Variants in WDR37 observed in about 807,000 individuals in gnomAD.
WDR37 encodes WD repeat-containing protein 37.
A neutral mutation model predicts 62.9 loss-of-function variants in WDR37; 19 were observed. The observed-to-expected ratio is 0.30, with a 90% confidence interval of 0.21 to 0.44. WDR37 has a LOEUF of 0.44. WDR37 is among the 20% of genes least tolerant of loss of function. WDR37 has a pLI of 1.00. For synonymous variants in WDR37, 250 were observed against 260.9 expected (o/e 0.96, Z 0.40); for missense variants, 474 against 657.6 (o/e 0.72, Z 3.05).
intron 11 of WDR37, among the ~76,000 whole-genome samples, chr10:1,118,418 C>T (rs1287994507): frequency 6.7e-6 from 1 of 149,804 alleles, no homozygotes; most frequent in African/African-American, 2.5e-5. Context: ...GAAGTCCCTG[C>T]ACACATCTGA....
At chr10:1,086,147 A>G (rs1589093814) in intron 6 of WDR37, 139 bp from the exon 7 acceptor site, 1 of 653,508 alleles carries the variant, frequency 1.5e-6, no homozygotes, top group East Asian at 2.9e-5. Flanking sequence ...TGAAGCATAC[A>G]GAGTAATAGA....
At chr10:1,057,159 G>C (rs1467991745) in intron 1 of WDR37, among the ~76,000 whole-genome samples, 191 bp downstream of exon 1, 3 of 151,944 alleles carry the variant, frequency 2.0e-5, no homozygotes, top group Non-Finnish European at 4.4e-5. Flanking sequence ...TGGAGGACCC[G>C]TGGCGGTGCA....
intron 13 of WDR37, among the ~76,000 whole-genome samples, chr10:1,125,287 C>T (rs1230198587): frequency 2.6e-5 from 4 of 151,870 alleles, no homozygotes; most frequent in South Asian, 2.1e-4. Context: ...CATGATCTCA[C>T]GGCAACCTCT....
At chr10:1,063,500 T>G (rs1833437708) in intron 1 of WDR37, among the ~76,000 whole-genome samples, 1 of 152,188 alleles carries the variant, frequency 6.6e-6, no homozygotes, top group Non-Finnish European at 1.5e-5. Flanking sequence ...GAGCAGGTAC[T>G]TCAGATTCCC....
At chr10:1,119,128 G>GA (rs1245808361) in intron 11 of WDR37, among the ~76,000 whole-genome samples, 4 of 152,332 alleles carry the variant, frequency 2.6e-5, no homozygotes, top group Non-Finnish European at 4.4e-5. Flanking sequence ...CATATATTTG[G>GA]AAAATACGTC....
intron 1 of WDR37, among the ~76,000 whole-genome samples, chr10:1,060,317 G>A (rs1431293619): frequency 6.6e-6 from 1 of 152,172 alleles, no homozygotes; most frequent in Non-Finnish European, 1.5e-5. Context: ...TTACGTACAC[G>A]GCAACATATA....
In WDR37 at chr10:1,105,231, C is replaced by G. The variant is rs1484990132; in HGVS notation, c.1067C>G (p.Ser356Cys). ...CGCCTCTGGGATTTCAGGGACCCCT[C>G]CATCCACTCGGTGAATGTTTTCCAG... ...TFRLWDFRDP[S>C]IHSVNVFQGH... is the part of the protein sequence containing the mutation. Residue 356 changes from serine to cysteine, a missense_variant, in exon 11 of 14, where the codon TCC (serine) becomes TGC (cysteine). Coordinates refer to ENST00000263150, the MANE Select transcript of WDR37 (RefSeq NM_014023.4). The surrounding 1 kb of genome is among the most constrained non-coding windows in gnomAD (Gnocchi z 5.3). 6.2e-7 allele frequency: 1 copy of G among 1,614,142 alleles called. No individual in the cohort carries two copies. The highest frequency in any genetic ancestry group is 8.5e-7 in the Non-Finnish European group (1 of 1,180,026).
chr10:1,078,263 A>T (rs915177638), intron 3 of WDR37, among the ~76,000 whole-genome samples: 27 of 152,252 alleles, frequency 1.8e-4, no homozygotes, highest in Non-Finnish European at 3.2e-4. Flanking sequence ...CCCTACACCA[A>T]GTACACCATA....
rs1026542747 is a variant in WDR37 at position 1,056,786 on chromosome 10, C to T, written c.-223C>T. 1.3e-5 allele frequency: 2 copies of T among 152,042 alleles called. No homozygotes were observed. The highest frequency in any genetic ancestry group is 1.9e-4 in the East Asian group (1 of 5,172). 9.4% of individuals were successfully genotyped at this position (152,042 alleles called of 1,614,324 possible). The stretch of plus-strand genomic sequence containing the variant: ...AGAACCCAGCGGCGCGGGACTGGGG[C>T]GGGACTTCCGGCGACACCGGAAGTG... On this transcript the variant is annotated 5_prime_UTR_variant, in exon 1 of 14. Transcript: ENST00000263150.
At chr10:1,117,069 T>A (rs1835423349) in intron 11 of WDR37, among the ~76,000 whole-genome samples, 1 of 152,186 alleles carries the variant, frequency 6.6e-6, no homozygotes, top group East Asian at 1.9e-4. Context: ...TGGTTTATTT[T>A]TTTGAGACAG....
rs1175676787 is a variant in WDR37, at chr10:1,105,310, A to G, written c.1103+43A>G. On this transcript the variant is annotated intron_variant, in intron 11 of 13. Transcript: ENST00000263150. The surrounding 1 kb of genome is among the most constrained non-coding windows in gnomAD (Gnocchi z 5.3). Reference sequence around the variant, plus strand: ...AGACATCTGTCCTTAGTCATGAAAAAGTTCTGTGGGTTGACATGAAAACTT... The same window carrying G: ...AGACATCTGTCCTTAGTCATGAAAAGGTTCTGTGGGTTGACATGAAAACTT... 1.3e-6 allele frequency: 2 copies of G among 1,581,860 alleles called. No homozygotes were observed. The highest frequency in any genetic ancestry group is 4.6e-5 in the East Asian group (2 of 43,752).
intron 9 of WDR37, among the ~76,000 whole-genome samples, chr10:1,101,905 A>G (rs1012020468): frequency 1.3e-4 from 20 of 152,118 alleles, no homozygotes. Context: ...ACTTCATAGA[A>G]GTTACTACCA....
intron 11 of WDR37, among the ~76,000 whole-genome samples, chr10:1,106,312 G>A (rs1158531087): frequency 2.0e-5 from 3 of 152,110 alleles, no homozygotes; most frequent in Non-Finnish European, 4.4e-5. Context: ...CTTCCCGGCC[G>A]CTCCTCGCTC....
At chr10:1,112,784 G>A (rs1201912454) in intron 11 of WDR37, among the ~76,000 whole-genome samples, 1 of 152,216 alleles carries the variant, frequency 6.6e-6, no homozygotes. Context: ...CTTCAATTCT[G>A]TGAGGGCTTA....
intron 1 of WDR37, among the ~76,000 whole-genome samples, chr10:1,062,935 A>C (rs1329999569): frequency 6.6e-6 from 1 of 152,058 alleles, no homozygotes; most frequent in Non-Finnish European, 1.5e-5. Context: ...AAAATACAAT[A>C]ATTAGCCAGA....
chr10:1,113,833 A>T (rs1301536889), intron 11 of WDR37, among the ~76,000 whole-genome samples: 3 of 152,114 alleles, frequency 2.0e-5, no homozygotes, highest in African/African-American at 7.2e-5. Context: ...AGATGCTGTG[A>T]ACATTGTTTA....
rs996407885 is a variant in WDR37 at position 1,106,778 on chromosome 10, A to G, written c.1103+1511A>G. Among the ~76,000 whole-genome samples the G allele has an allele frequency of 1.9e-4, 29 of 152,140 alleles. 1 individual carries two copies. The highest frequency in any genetic ancestry group is 1.9e-3 in the Admixed American group (29 of 15,276). On this transcript the variant is annotated intron_variant, in intron 11 of 13. Coordinates refer to ENST00000263150, the MANE Select transcript of WDR37 (RefSeq NM_014023.4). The stretch of plus-strand genomic sequence containing the variant: ...GTGATCCGCCTGCCTCAGCCTACCA[A>G]AGTGCTGGGATTATAGGTGTGAGCC...
chr10:1,098,135 C>T (rs114331367), intron 9 of WDR37, among the ~76,000 whole-genome samples: 2,958 of 152,166 alleles, frequency 0.019, 115 homozygotes, highest in African/African-American at 0.068. Flanking sequence ...GTGTTGAAGC[C>T]CTAACCCCCA....
At chr10:1,061,235 T>C in intron 1 of WDR37, among the ~76,000 whole-genome samples, 1 of 149,752 alleles carries the variant, frequency 6.7e-6, no homozygotes, top group South Asian at 2.1e-4. Flanking sequence ...ATCTCTCCAT[T>C]AATTCTTTCT....
Sources: allele counts gnomAD v4.1 joint callset (sites outside exome capture counted in the v4.1 genomes callset), GRCh38; gene constraint gnomAD v4.1.1; non-coding constraint Gnocchi (gnomAD v3.1); transcripts MANE v1.5; gene names NCBI Gene and HGNC (gene_info 2026-07-23, HGNC 2026-07-21).